The following HS3ST4 variants were observed in gnomAD, a reference collection of about 807,000 sequenced individuals.
HS3ST4 encodes heparan sulfate glucosamine 3-O-sulfotransferase 4.
HS3ST4 carries 17 observed loss-of-function variants against 29.2 expected under a neutral mutation model. The ratio of observed to expected loss-of-function variants is 0.58; its 90% CI spans 0.40 to 0.87. HS3ST4 has a LOEUF of 0.87. Among genes scored for constraint, HS3ST4 ranks in the 40% least tolerant of loss-of-function variants. HS3ST4 has a pLI of 0.00. For missense variants in HS3ST4, 627 were observed against 634.5 expected (o/e 0.99, Z 0.13); for synonymous variants, 314 against 285.7 (o/e 1.10, Z -1.00).
intron 1 of HS3ST4, among the ~76,000 whole-genome samples, chr16:25,879,777 A>G (rs977772521): frequency 1.3e-5 from 2 of 152,180 alleles, no homozygotes; most frequent in African/African-American, 2.4e-5. Context: ...AAGACTGGGT[A>G]ATTTATAAAA....
At chr16:25,814,081 A>G (rs1236871397) in intron 1 of HS3ST4, among the ~76,000 whole-genome samples, 1 of 152,240 alleles carries the variant, frequency 6.6e-6, no homozygotes, top group Non-Finnish European at 1.5e-5. Context: ...TGTAGGGCAC[A>G]GAATTGGTCC....
chr16:25,862,323 A>G (rs1967646358), intron 1 of HS3ST4, among the ~76,000 whole-genome samples: 1 of 152,054 alleles, frequency 6.6e-6, no homozygotes, highest in South Asian at 2.1e-4. Context: ...CTCCTGAGTA[A>G]CTGGGATTAC....
chr16:26,064,319 C>T (rs1238923548), intron 1 of HS3ST4, among the ~76,000 whole-genome samples: 1 of 151,998 alleles, frequency 6.6e-6, no homozygotes, highest in African/African-American at 2.4e-5. Flanking sequence ...AAAAAGTTTC[C>T]AATGCTGTCT....
At chr16:25,821,543 C>G (rs1011913979) in intron 1 of HS3ST4, among the ~76,000 whole-genome samples, 3 of 152,098 alleles carry the variant, frequency 2.0e-5, no homozygotes, top group Non-Finnish European at 4.4e-5. Flanking sequence ...CTTTTTAAAG[C>G]TACTTATTTT....
intron 1 of HS3ST4, among the ~76,000 whole-genome samples, chr16:25,916,915 G>A (rs1968299175): frequency 6.6e-6 from 1 of 151,868 alleles, no homozygotes; most frequent in African/African-American, 2.4e-5. Context: ...TCCTGACCTT[G>A]TGATCCACCC....
intron 1 of HS3ST4, among the ~76,000 whole-genome samples, chr16:26,068,446 G>C (rs770390996): frequency 1.3e-5 from 2 of 152,110 alleles, no homozygotes; most frequent in African/African-American, 4.8e-5. Context: ...TTACAGGTGA[G>C]GGTTCTGAGC....
chr16:25,704,082 A>G (rs1219061967), intron 1 of HS3ST4, among the ~76,000 whole-genome samples: 1 of 152,222 alleles, frequency 6.6e-6, no homozygotes, highest in Admixed American at 6.5e-5. Flanking sequence ...TGCTCAATGC[A>G]TGGTGATTTA....
intron 1 of HS3ST4, among the ~76,000 whole-genome samples, chr16:25,732,796 C>G (rs1361961205): frequency 6.6e-6 from 1 of 152,158 alleles, no homozygotes; most frequent in East Asian, 1.9e-4. Flanking sequence ...GTTTCTTTCT[C>G]CCTGCTACTT....
chr16:25,845,481 C>G (rs1967456080), intron 1 of HS3ST4, among the ~76,000 whole-genome samples: 1 of 152,146 alleles, frequency 6.6e-6, no homozygotes, highest in East Asian at 1.9e-4. Context: ...TGCACTTCAG[C>G]CTGGGCGACA....
At chr16:25,830,786 A>G (rs1313561860) in intron 1 of HS3ST4, among the ~76,000 whole-genome samples, 1 of 151,116 alleles carries the variant, frequency 6.6e-6, no homozygotes, top group Non-Finnish European at 1.5e-5. Flanking sequence ...CAGCTCAGTC[A>G]CTGTTCCAAC....
chr16:25,773,599 C>G (rs12443577), intron 1 of HS3ST4, among the ~76,000 whole-genome samples: 104,239 of 152,028 alleles, frequency 0.69, 36,133 homozygotes, highest in Middle Eastern at 0.76. Flanking sequence ...GAGACACTTT[C>G]AAGTAGACAA....
intron 1 of HS3ST4, among the ~76,000 whole-genome samples, chr16:26,121,357 A>G (rs2141810526): frequency 1.3e-5 from 2 of 152,362 alleles, no homozygotes; most frequent in Middle Eastern, 3.4e-3. Flanking sequence ...GGCAGGTGGA[A>G]CAAAGTAAAG....
chr16:26,035,917 G>A (rs1969578492), intron 1 of HS3ST4, among the ~76,000 whole-genome samples: 1 of 152,222 alleles, frequency 6.6e-6, no homozygotes, highest in South Asian at 2.1e-4. Context: ...AACTATGAGT[G>A]CAGGAAGAGT....
At position 25,991,415 on chromosome 16, in the gene HS3ST4, C is replaced by T. The variant is rs150993652; in HGVS notation, c.735-144197C>T. 6.6e-5 allele frequency among the ~76,000 whole-genome samples: 10 copies of T among 152,214 alleles called. No individual in the cohort carries two copies. The East Asian group carries it at 1.4e-3, about 21-fold the overall frequency. The stretch of plus-strand genomic sequence containing the variant: ...GAAAGAAAAAAAGAGAGTTCCTCAT[C>T]GTGATTGTGAGCCAAATATTTCTGT... On this transcript the variant is annotated intron_variant, in intron 1 of 1. Coordinates refer to ENST00000331351, the MANE Select transcript of HS3ST4 (RefSeq NM_006040.3).
chr16:25,820,010 CAAAAAAAAAAAAAAAAAAAAAAAAA>C (rs142336784), intron 1 of HS3ST4, among the ~76,000 whole-genome samples: 3 of 46,934 alleles, frequency 6.4e-5, no homozygotes, highest in African/African-American at 3.3e-4. Context: ...TACTCTGTCT[CAAAAAAAAAAAAAAAAAAAAAAAAA>C]AAAAAAAAAA....
chr16:25,839,732 AG>A (rs1967394479), intron 1 of HS3ST4, among the ~76,000 whole-genome samples: 2 of 152,324 alleles, frequency 1.3e-5, no homozygotes, highest in Admixed American at 6.5e-5. Context: ...ATGAGAGTCT[AG>A]GTCAGTCATA....
chr16:26,040,360 G>A (rs918082271), intron 1 of HS3ST4, among the ~76,000 whole-genome samples: 2 of 150,440 alleles, frequency 1.3e-5, no homozygotes, highest in African/African-American at 2.5e-5. Context: ...CTGGAGCGCA[G>A]TGGCATGATC....
intron 1 of HS3ST4, among the ~76,000 whole-genome samples, chr16:25,872,870 T>G (rs952783658): frequency 6.8e-6 from 1 of 146,358 alleles, no homozygotes; most frequent in African/African-American, 2.5e-5. Flanking sequence ...TGGGTCTAGC[T>G]ATTTCAAGGA....
At chr16:25,997,171 A>C (rs1385489978) in intron 1 of HS3ST4, among the ~76,000 whole-genome samples, 1 of 152,188 alleles carries the variant, frequency 6.6e-6, no homozygotes, top group Non-Finnish European at 1.5e-5. Context: ...AAGAGAAAAA[A>C]GTTTTCTCCT....
Sources: allele counts gnomAD v4.1 joint callset (sites outside exome capture counted in the v4.1 genomes callset), GRCh38; gene constraint gnomAD v4.1.1; transcripts MANE v1.5; gene names NCBI Gene and HGNC (gene_info 2026-07-23, HGNC 2026-07-21).